Variants in NUTF2 observed in about 807,000 individuals in gnomAD.
The protein encoded by NUTF2 is nuclear transport factor 2, also known as placental protein 15.
In NUTF2, 3 loss-of-function variants were observed where a neutral mutation model predicts 18.5. The ratio of observed to expected loss-of-function variants is 0.16; its 90% confidence interval spans 0.07 to 0.42. The LOEUF is 0.42. Ranked by LOEUF, NUTF2 falls within the 10% of genes least tolerant of loss-of-function variation. The pLI, the probability that NUTF2 is intolerant of heterozygous loss-of-function variation, is 0.99. For missense variants in NUTF2, 44 were observed against 160.7 expected (o/e 0.27, Z 3.93); for synonymous variants, 51 against 57.9 (o/e 0.88, Z 0.54).
At chr16:67,851,975 C>T (rs1366128544) in intron 1 of NUTF2, among the ~76,000 whole-genome samples, 1 of 151,994 alleles carries the variant, frequency 6.6e-6, no homozygotes, top group Non-Finnish European at 1.5e-5. Context: ...GAGACTGTGC[C>T]ATTGCGCTCC....
intron 1 of NUTF2, among the ~76,000 whole-genome samples, chr16:67,848,283 G>C (rs1353037486): frequency 6.6e-6 from 1 of 152,130 alleles, no homozygotes; most frequent in Non-Finnish European, 1.5e-5. Flanking sequence ...TCTTTCCAGA[G>C]ACTAAAGAAG....
intron 2 of NUTF2, among the ~76,000 whole-genome samples, chr16:67,867,758 C>T (rs778207516): frequency 6.6e-6 from 1 of 152,132 alleles, no homozygotes; most frequent in Non-Finnish European, 1.5e-5. Flanking sequence ...GCGATTTCGG[C>T]TCGCTACAAA....
chr16:67,868,299 C>T (rs1305856199), intron 2 of NUTF2, 41 bp from the exon 3 acceptor site: 2 of 1,596,336 alleles, frequency 1.3e-6, no homozygotes, highest in South Asian at 1.1e-5. Context: ...GATACTTGTA[C>T]TCTGAGGCCC....
chr16:67,859,637 C>T (rs1004062231), intron 1 of NUTF2, among the ~76,000 whole-genome samples: 2 of 151,758 alleles, frequency 1.3e-5, no homozygotes, highest in African/African-American at 4.8e-5. Flanking sequence ...GGATTAGAGG[C>T]GTGAGCCACC....
rs185304872 is a variant in NUTF2, at chr16:67,848,666, C to T, written c.-30+1681C>T. ...CTGAGGCAGGAGAATCGCTTGAATCCGGGAGGCAGAGGTTGCAGTGGGCAG... is the reference window on the plus strand; with the variant it reads ...CTGAGGCAGGAGAATCGCTTGAATCTGGGAGGCAGAGGTTGCAGTGGGCAG... On this transcript the variant is annotated intron_variant, in intron 1 of 4. Transcript: ENST00000219169. Among the ~76,000 whole-genome samples, 238 of 151,332 alleles carry T rather than the reference C, an allele frequency of 1.6e-3. 1 individual carries two copies. Among genetic ancestry groups the T allele is most frequent in the African/African-American group, 5.6e-3 (232 of 41,216 alleles).
chr16:67,870,930 C>T lies in NUTF2; in HGVS notation c.*17C>T, dbSNP rs756059778. ...TTTGGCTGACCTCCTCTCAGCTAGGCACTCACGCTGTTTCCTCCTCCCTCC... is the reference window on the plus strand; with the variant it reads ...TTTGGCTGACCTCCTCTCAGCTAGGTACTCACGCTGTTTCCTCCTCCCTCC... On this transcript the variant is annotated 3_prime_UTR_variant, in exon 5 of 5. Transcript: ENST00000219169. 6.4e-7 allele frequency: 1 copy of T among 1,558,250 alleles called. No homozygotes were observed. Among genetic ancestry groups the T allele is most frequent in the African/African-American group, 1.4e-5 (1 of 73,800 alleles).
At chr16:67,865,719 CTTT>C (rs767485714) in intron 2 of NUTF2, among the ~76,000 whole-genome samples, 8 of 136,822 alleles carry the variant, frequency 5.8e-5, no homozygotes, top group Admixed American at 7.4e-5. Flanking sequence ...GCTGGCTGCT[CTTT>C]TTTTTTTTTT....
At chr16:67,866,409 C>T (rs1012444265) in intron 2 of NUTF2, among the ~76,000 whole-genome samples, 5 of 150,278 alleles carry the variant, frequency 3.3e-5, no homozygotes, top group Admixed American at 6.7e-5. Context: ...TGGGTTCAAG[C>T]GATTCTTGTG....
At chr16:67,870,463 TC>T (rs2058003591) in intron 4 of NUTF2, 1 of 277,780 alleles carries the variant, frequency 3.6e-6, no homozygotes, top group South Asian at 4.4e-5. Context: ...ACTATGGGAT[TC>T]GTTTCAAAAT....
chr16:67,849,090 C>A (rs1032127213), intron 1 of NUTF2, among the ~76,000 whole-genome samples: 5 of 152,296 alleles, frequency 3.3e-5, no homozygotes, highest in Non-Finnish European at 5.9e-5. Context: ...TAGTCCATAT[C>A]CTGGCCCATG....
At chr16:67,856,056 C>T (rs1053496376) in intron 1 of NUTF2, 40 of 710,400 alleles carry the variant, frequency 5.6e-5, no homozygotes, top group Non-Finnish European at 8.3e-5. Flanking sequence ...CCCACTGTTA[C>T]GATGTGGCCA....
At chr16:67,856,630 T>G (rs1189628361) in intron 1 of NUTF2, among the ~76,000 whole-genome samples, 2 of 152,008 alleles carry the variant, frequency 1.3e-5, no homozygotes, top group East Asian at 3.8e-4. Context: ...TGCCTCAGCA[T>G]GCGGAGTAGC....
At chr16:67,859,520 C>A (rs2057920380) in intron 1 of NUTF2, among the ~76,000 whole-genome samples, 1 of 151,950 alleles carries the variant, frequency 6.6e-6, no homozygotes, top group Non-Finnish European at 1.5e-5. Flanking sequence ...CCATGCCCAG[C>A]TAATTTTTTG....
chr16:67,863,726 C>A (rs1039366905), intron 1 of NUTF2, among the ~76,000 whole-genome samples: 1 of 152,194 alleles, frequency 6.6e-6, no homozygotes, highest in African/African-American at 2.4e-5. Context: ...GGTTCAGAGT[C>A]CTATTATCAG....
intron 1 of NUTF2, among the ~76,000 whole-genome samples, chr16:67,852,356 T>C (rs983524401): frequency 5.3e-5 from 8 of 151,448 alleles, no homozygotes; most frequent in Non-Finnish European, 1.0e-4. Context: ...TTTTTCTTTT[T>C]TTTTTTTTTT....
At chr16:67,855,893 G>GC (rs201435435) in intron 1 of NUTF2, 3 of 447,366 alleles carry the variant, frequency 6.7e-6, no homozygotes, top group East Asian at 3.9e-5. Flanking sequence ...TTGGCGGGGG[G>GC]GGGGGATGGG....
chr16:67,868,649 T>A, intron 4 of NUTF2, 50 bp downstream of exon 4: 1 of 1,524,808 alleles, frequency 6.6e-7, no homozygotes, highest in Non-Finnish European at 9.1e-7. Context: ...CAGAGGAGAG[T>A]CTTGTACCCC....
chr16:67,857,356 G>A (rs1454057671), intron 1 of NUTF2, among the ~76,000 whole-genome samples: 1 of 152,152 alleles, frequency 6.6e-6, no homozygotes, highest in African/African-American at 2.4e-5. Flanking sequence ...AGGCAGAAGA[G>A]GAGGAAGGGG....
intron 1 of NUTF2, among the ~76,000 whole-genome samples, chr16:67,862,268 C>T (rs556827936): frequency 1.2e-3 from 187 of 152,246 alleles, no homozygotes; most frequent in African/African-American, 4.1e-3. Flanking sequence ...GGGCAAGACC[C>T]AGCGACATCA....
Sources: allele counts gnomAD v4.1 joint callset (sites outside exome capture counted in the v4.1 genomes callset), GRCh38; gene constraint gnomAD v4.1.1; transcripts MANE v1.5; gene names NCBI Gene and HGNC (gene_info 2026-07-23, HGNC 2026-07-21).